NEB: variants seen among roughly 807,000 people sequenced by gnomAD.
The protein encoded by NEB is nemaline myopathy type 2.
NEB carries 512 observed loss-of-function variants against 952.2 expected under a neutral mutation model. The ratio of observed to expected loss-of-function variants is 0.54; its 90% CI spans 0.50 to 0.58. The LOEUF (loss-of-function observed/expected upper bound fraction) is 0.58, where lower values mean the gene tolerates loss of function less well. Ranked by LOEUF, NEB falls within the 20% of genes least tolerant of loss-of-function variation. The probability of loss-of-function intolerance (pLI) is 0.00; values close to 1 mark genes in which losing one functional copy is unlikely to be tolerated. For missense variants in NEB, 8,428 were observed against 9,231.1 expected (o/e 0.91, Z 3.56); for synonymous variants, 2,900 against 3,149.8 (o/e 0.92, Z 2.66).
intron 39 of NEB, among the ~76,000 whole-genome samples, chr2:151,668,494 T>C (rs192610117): frequency 6.5e-4 from 99 of 152,304 alleles, no homozygotes; most frequent in Middle Eastern, 3.4e-3. Flanking sequence ...TTAACAATTT[T>C]ATCCAAGTTT....
Position 151,493,861 on chromosome 2 carries a change from A to G in NEB, c.24586T>C (p.Tyr8196His), listed in dbSNP as rs757420871. ...GTTGCTTTCCCCAGGTTCTCTTTGT[A>G]TAACACCTGTGAGATACAAAGTCAT... ...RNQENISSVL[Y>H]KENLGKATPT... is the part of the protein sequence containing the mutation. The change falls in exon 175 of 182, where the codon TAC becomes CAC. Residue 8196 changes from tyrosine to histidine, a missense_variant. Coordinates refer to ENST00000397345, the MANE Select transcript of NEB (RefSeq NM_001164508.2). 2.6e-6 allele frequency: 4 copies of G among 1,556,140 alleles called. No individual in the cohort carries two copies. Among genetic ancestry groups the G allele is most frequent in the African/African-American group, 2.7e-5 (2 of 73,176 alleles).
At chr2:151,636,550 C>T (rs112835303) in intron 63 of NEB, among the ~76,000 whole-genome samples, 27 of 152,068 alleles carry the variant, frequency 1.8e-4, no homozygotes, top group East Asian at 3.9e-4. Flanking sequence ...GAGGCAGAGG[C>T]GGGTGGATCA....
At chr2:151,628,490 T>G (rs546100235) in intron 68 of NEB, among the ~76,000 whole-genome samples, 1 of 152,310 alleles carries the variant, frequency 6.6e-6, no homozygotes, top group South Asian at 2.1e-4. Flanking sequence ...GCAAACTGGA[T>G]ATTTTCTCCC....
At chr2:151,686,507 G>T (rs1417768138) in intron 27 of NEB, among the ~76,000 whole-genome samples, 5 of 152,164 alleles carry the variant, frequency 3.3e-5, no homozygotes, top group Non-Finnish European at 7.3e-5. Context: ...AGTAATATAA[G>T]TGAGCACTAT....
At chr2:151,617,263 G>A (rs1380025138) in intron 75 of NEB, 101 bp downstream of exon 75, 1 of 692,232 alleles carries the variant, frequency 1.4e-6, no homozygotes, top group African/African-American at 1.8e-5. Flanking sequence ...ATGGTAGTTT[G>A]TAGTATGTGT....
chr2:151,615,026 A>T (rs2098143648), intron 76 of NEB, among the ~76,000 whole-genome samples: 1 of 152,190 alleles, frequency 6.6e-6, no homozygotes, highest in Non-Finnish European at 1.5e-5. Flanking sequence ...TCAGTCAAGG[A>T]TATGTGTTAC....
At position 151,537,921 on chromosome 2, in the gene NEB, T is replaced by C. The variant is rs759763170; in HGVS notation, c.21053A>G (p.Asp7018Gly). 9.3e-6 allele frequency: 15 copies of C among 1,613,150 alleles called. No individual in the cohort carries two copies. The highest frequency in any genetic ancestry group is 1.3e-5 in the Non-Finnish European group (15 of 1,179,562). Reference sequence around the variant, plus strand: ...TCGGTGGTGGAAATGCTCTGGACGATCAGGAATGGACCTCCAGATACCCAA... The same window carrying C: ...TCGGTGGTGGAAATGCTCTGGACGACCAGGAATGGACCTCCAGATACCCAA... ...SQLGIWRSIP[D>G]RPEHFHHRAV... is the part of the protein sequence containing the mutation. The change falls in exon 140 of 182, where the codon GAT becomes GGT. Residue 7018 changes from aspartate to glycine, a missense_variant. Transcript: ENST00000397345.
At chr2:151,512,607 C>A (rs2075394807) in intron 161 of NEB, 126 bp downstream of exon 161, 1 of 769,494 alleles carries the variant, frequency 1.3e-6, no homozygotes, top group South Asian at 1.6e-5. Flanking sequence ...AGCCACTGCA[C>A]CTGGTGAATC....
chr2:151,505,219 T>G (rs1553593011), intron 165 of NEB, among the ~76,000 whole-genome samples: 1 of 152,174 alleles, frequency 6.6e-6, no homozygotes, highest in Non-Finnish European at 1.5e-5. Context: ...GATAATTAAT[T>G]AAGAAGCCAA....
At chr2:151,557,958 C>T (rs182266681) in intron 124 of NEB, among the ~76,000 whole-genome samples, 1 of 152,296 alleles carries the variant, frequency 6.6e-6, no homozygotes, top group East Asian at 1.9e-4. Flanking sequence ...AAAACTGGCA[C>T]AAGACAGGGA....
At position 151,669,262 on chromosome 2, in the gene NEB, A is replaced by C. The variant is rs907760167; in HGVS notation, c.4507-131T>G. The C allele has an allele frequency of 1.4e-5, 9 of 646,826 alleles. No individual in the cohort carries two copies. The African/African-American group carries it at 1.6e-4, about 12-fold the overall frequency. The allele number at this position is 646,826 out of a possible 1,614,324, so 40.1% of individuals were successfully genotyped here. ...TTACGAGACAAATACCTACTCTGTCATAAGGGAGGGGCCCTGGTAGATGCA... is the reference window on the plus strand; with the variant it reads ...TTACGAGACAAATACCTACTCTGTCCTAAGGGAGGGGCCCTGGTAGATGCA... On this transcript the variant is annotated intron_variant, in intron 38 of 181. Coordinates refer to ENST00000397345, the MANE Select transcript of NEB (RefSeq NM_001164508.2).
chr2:151,569,669 T>C (rs577730451), intron 109 of NEB, among the ~76,000 whole-genome samples: 12 of 152,150 alleles, frequency 7.9e-5, no homozygotes, highest in Non-Finnish European at 1.6e-4. Flanking sequence ...AATCCGACAT[T>C]TGTACACAAA....
Position 151,633,694 on chromosome 2 carries a change from T to C in NEB, c.9374A>G (p.Asp3125Gly), listed in dbSNP as rs779720220. ...HEWTCLPDQS[D>G]VIHARQAYDL... is the part of the protein sequence containing the mutation. ...ATAGGCCTGCCGAGCATGGATGACA[T>C]CGCTCTGGTCAGGCAGGCATGTCCA... is the stretch of plus-strand genomic sequence containing the variant. Residue 3125 changes from aspartate to glycine, a missense_variant, in exon 65 of 182, where the codon GAT becomes GGT. Asp to Gly is a moderately conservative substitution (Grantham distance 94). This residue lies in a region of NEB where 1,772 missense variants were observed against 1,960.3 expected (regional missense o/e 0.90). Coordinates refer to ENST00000397345, the MANE Select transcript of NEB (RefSeq NM_001164508.2). 2.9e-5 allele frequency: 46 copies of C among 1,613,748 alleles called. No individual in the cohort carries two copies. The highest frequency in any genetic ancestry group is 3.8e-5 in the Non-Finnish European group (45 of 1,179,788).
rs374227241 is a variant in NEB, at chr2:151,724,370, C to G, written c.508-6G>C. On this transcript the variant is annotated splice_region_variant and splice_polypyrimidine_tract_variant and intron_variant, in intron 7 of 181. Coordinates refer to ENST00000397345, the MANE Select transcript of NEB (RefSeq NM_001164508.2). The stretch of plus-strand genomic sequence containing the variant: ...CAGTTCTGCTTGTATAAAACCTAGA[C>G]AGAAGGAGCAGAGGATCTGTGGCTT... 2.9e-5 allele frequency: 47 copies of G among 1,597,006 alleles called. No homozygotes were observed. Among genetic ancestry groups the G allele is most frequent in the Non-Finnish European group, 3.4e-5 (40 of 1,168,454 alleles).
At chr2:151,515,701 T>C (rs1382237183) in intron 157 of NEB, among the ~76,000 whole-genome samples, 2 of 152,178 alleles carry the variant, frequency 1.3e-5, no homozygotes, top group Admixed American at 6.5e-5. Flanking sequence ...TAATAGAATT[T>C]TAAATTTACA....
At position 151,617,472 on chromosome 2, in the gene NEB, C is replaced by CAAAAAAA; in HGVS notation, c.11077-11_11077-5dup. ...CCCAGGCTTCAGTATATAAGCGCTA[C>CAAAAAAA]AAAAAAAAAAAAAAAAGAGAGAGAG... On this transcript the variant is annotated splice_region_variant and splice_polypyrimidine_tract_variant and intron_variant, in intron 74 of 181. Coordinates refer to ENST00000397345, the MANE Select transcript of NEB (RefSeq NM_001164508.2). 6.1e-6 allele frequency: 5 copies of CAAAAAAA among 814,156 alleles called. No individual in the cohort carries two copies. The highest frequency in any genetic ancestry group is 3.4e-5 in the East Asian group (1 of 29,672). The allele number at this position is 814,156 out of a possible 1,614,324, so 50.4% of individuals were successfully genotyped here.
In NEB at chr2:151,643,247, T is replaced by G. The variant is rs201119402; in HGVS notation, c.8063A>C (p.His2688Pro). 6.2e-7 allele frequency: 1 copy of G among 1,613,820 alleles called. No individual in the cohort carries two copies. Among genetic ancestry groups the G allele is most frequent in the African/African-American group, 1.3e-5 (1 of 74,936 alleles). Residue 2688 changes from histidine (H) to proline (P), a missense_variant, in exon 58 of 182, where the codon CAT (histidine) becomes CCT (proline). His to Pro is a moderately conservative substitution (Grantham distance 77). This residue lies in a region of NEB where 1,772 missense variants were observed against 1,960.3 expected (regional missense o/e 0.90). Transcript: ENST00000397345. ...NKRATQILSD[H>P]VYRQHPDQFK... ...TTGATCTGGGTGCTGACGGTAAACA[T>G]GGTCACTCAAAATCTGGGTGGCTCG...
At position 151,490,039 on chromosome 2, in the gene NEB, G is replaced by A. The variant is rs200731870; in HGVS notation, c.25336C>T (p.Arg8446Ter). The change falls in exon 181 of 182, where the codon CGA becomes TGA. Residue 8446 changes from arginine to a stop codon, truncating the protein, a stop_gained. Transcript: ENST00000397345. LOFTEE classifies it high-confidence loss of function. ...HAKTTELPQQ[R>*]SSSVATQQTT... ...TGTTGGGTAGCAACTGAAGATGATC[G>A]TTGTTGTGGGAGCTCTGTGGTTTTT... 2.7e-5 allele frequency: 43 copies of A among 1,613,188 alleles called. No homozygotes were observed. Among genetic ancestry groups the A allele is most frequent in the Non-Finnish European group, 3.2e-5 (38 of 1,179,556 alleles).
At chr2:151,720,067 A>G (rs1319010650) in intron 9 of NEB, among the ~76,000 whole-genome samples, 1 of 152,164 alleles carries the variant, frequency 6.6e-6, no homozygotes, top group African/African-American at 2.4e-5. Context: ...CTAATTTCTC[A>G]GGAACCTTCT....
Sources: gnomAD v4.1 joint callset for allele counts (sites outside exome capture counted in the v4.1 genomes callset) on GRCh38, gnomAD v4.1.1 for gene constraint, gnomAD v4.1.1 regional missense constraint, MANE v1.5 for transcripts, NCBI Gene and HGNC (gene_info 2026-07-23, HGNC 2026-07-21) for gene names.